The following NRXN2 variants were observed in gnomAD, a reference collection of about 807,000 sequenced individuals.
The protein encoded by NRXN2 is neurexin-2-beta.
Under a neutral mutation model 128.8 loss-of-function variants are expected in NRXN2, and 29 were observed. The ratio of observed to expected loss-of-function variants is 0.23; its 90% CI spans 0.17 to 0.31. The LOEUF is 0.31. Among genes scored for constraint, NRXN2 ranks in the 10% least tolerant of loss-of-function variants. NRXN2 has a pLI of 1.00. For missense variants in NRXN2, 1,881 were observed against 2,452.6 expected, an observed-to-expected ratio of 0.77 and a Z score of 4.92; for synonymous variants, 1,098 against 1,075.2, an observed-to-expected ratio of 1.02 and a Z score of -0.41.
chr11:64,668,701 C>A, intron 7 of NRXN2, 97 bp from the exon 8 acceptor site: 1 of 1,393,780 alleles, frequency 7.2e-7, no homozygotes, highest in Non-Finnish European at 1.0e-6. Context: ...CAGAGGGCAG[C>A]AGGGGAGGGG....
intron 3 of NRXN2, among the ~76,000 whole-genome samples, chr11:64,695,539 C>T (rs2135596826): frequency 6.6e-6 from 1 of 152,156 alleles, no homozygotes; most frequent in Non-Finnish European, 1.5e-5. Flanking sequence ...CGTGGAACCA[C>T]CACCTGCTAA....
chr11:64,623,142 G>A lies in NRXN2; in HGVS notation c.3848-64C>T, dbSNP rs1950306282. On this transcript the variant is annotated intron_variant, in intron 20 of 22. Coordinates refer to ENST00000265459, the MANE Select transcript of NRXN2 (RefSeq NM_015080.4). This position sits in a 1 kb window ranked among gnomAD's most constrained non-coding sequence, Gnocchi z 4.9. Reference sequence around the variant, plus strand: ...CAGTGAGGGGAGACCAGGAAGGGAAGGAAGAAAAGAAGGAAGCCAAGGAGA... The same window carrying A: ...CAGTGAGGGGAGACCAGGAAGGGAAAGAAGAAAAGAAGGAAGCCAAGGAGA... 6.5e-7 allele frequency: 1 copy of A among 1,535,756 alleles called. No homozygotes were observed. The highest frequency in any genetic ancestry group is 8.8e-7 in the Non-Finnish European group (1 of 1,137,066).
intron 5 of NRXN2, 74 bp from the exon 6 acceptor site, chr11:64,686,021 C>T (rs2052998606): frequency 1.0e-5 from 16 of 1,535,358 alleles, no homozygotes; most frequent in East Asian, 4.6e-5. Flanking sequence ...CTCTCCCCTC[C>T]AGCAACGCAG....
chr11:64,641,867 G>A (rs2045721616), intron 17 of NRXN2, among the ~76,000 whole-genome samples: 1 of 151,976 alleles, frequency 6.6e-6, no homozygotes, highest in African/African-American at 2.4e-5. Flanking sequence ...ACATGGAAGG[G>A]AGACACTAGA....
At chr11:64,644,476 G>A (rs2046337288) in intron 17 of NRXN2, among the ~76,000 whole-genome samples, 1 of 152,134 alleles carries the variant, frequency 6.6e-6, no homozygotes, top group African/African-American at 2.4e-5. Context: ...CCCTTCCTGG[G>A]CCACGTATGT....
rs1166885482 is a variant in NRXN2, at chr11:64,660,652, C to T, written c.2185+101G>A. On this transcript the variant is annotated intron_variant, in intron 10 of 22. Coordinates refer to ENST00000265459, the MANE Select transcript of NRXN2 (RefSeq NM_015080.4). This position sits in a 1 kb window ranked among gnomAD's most constrained non-coding sequence, Gnocchi z 5.2. The stretch of plus-strand genomic sequence containing the variant: ...CTAGGGCAGGTCTATGAGGGGTTCC[C>T]CTAGGAGGAGGTGGCACAGGGATGG... The T allele has an allele frequency of 6.3e-7, 1 of 1,594,860 alleles. No homozygotes were observed. Among genetic ancestry groups the T allele is most frequent in the Non-Finnish European group, 8.5e-7 (1 of 1,172,426 alleles).
intron 22 of NRXN2, among the ~76,000 whole-genome samples, chr11:64,617,385 T>C (rs1383839680): frequency 6.6e-6 from 1 of 152,092 alleles, no homozygotes; most frequent in Admixed American, 6.5e-5. Flanking sequence ...CAGGACACAA[T>C]ATGTGGGTTG....
intron 3 of NRXN2, among the ~76,000 whole-genome samples, chr11:64,695,930 C>G (rs1455508690): frequency 6.6e-6 from 1 of 152,074 alleles, no homozygotes; most frequent in Non-Finnish European, 1.5e-5. Context: ...TTCCTCTTCC[C>G]TACTCCCACC....
At position 64,607,384 on chromosome 11, in the gene NRXN2, G is replaced by T. The variant is rs780954468; in HGVS notation, c.4951C>A (p.Leu1651Ile). 7 of 1,613,318 alleles carry T rather than the reference G, an allele frequency of 4.3e-6. No individual in the cohort carries two copies. The highest frequency in any genetic ancestry group is 5.9e-6 in the Non-Finnish European group (7 of 1,179,948). The change falls in exon 23 of 23, where the codon CTC (leucine) becomes ATC (isoleucine). Residue 1651 changes from leucine to isoleucine, a missense_variant. This residue lies in a region of NRXN2 where 11 missense variants were observed against 31.3 expected (regional missense o/e 0.35). Coordinates refer to ENST00000265459, the MANE Select transcript of NRXN2 (RefSeq NM_015080.4). ...TTATACATGGCGTAGAGGAGGATGA[G>T]GATGCAGAGCGCCGCCGCCGCCACA... Reference protein sequence around the residue: ...GIVAAAALCILILLYAMYKYR... With the variant: ...GIVAAAALCIIILLYAMYKYR...
rs200425317 is a variant in NRXN2, at chr11:64,608,101, G to A, written c.4253-19C>T. 1 of 1,574,612 alleles carries A rather than the reference G, an allele frequency of 6.4e-7. No individual in the cohort carries two copies. The highest frequency in any genetic ancestry group is 8.6e-7 in the Non-Finnish European group (1 of 1,165,192). Reference sequence around the variant, plus strand: ...TCTCCTCCTAGAACAAGAGAGAGAAGAGAAAAGAGAGGGCGTCAGCGAGGG... The same window carrying A: ...TCTCCTCCTAGAACAAGAGAGAGAAAAGAAAAGAGAGGGCGTCAGCGAGGG... On this transcript the variant is annotated intron_variant, in intron 22 of 22. Transcript: ENST00000265459.
intron 17 of NRXN2, among the ~76,000 whole-genome samples, chr11:64,639,758 A>T (rs1474230174): frequency 3.9e-5 from 6 of 152,124 alleles, no homozygotes; most frequent in African/African-American, 1.4e-4. Context: ...GTAGAAACAC[A>T]GTGAGACCCC....
At chr11:64,692,211 G>C (rs943644271) in intron 4 of NRXN2, among the ~76,000 whole-genome samples, 6 of 152,212 alleles carry the variant, frequency 3.9e-5, no homozygotes, top group Middle Eastern at 3.2e-3. Context: ...GTCGTCATCT[G>C]TCAAACAGGG....
rs762547864 is a variant in NRXN2, at chr11:64,630,601, A to T, written c.3586-28T>A. ...GGGGACATGGAGGTGGAGGTCAGCG[A>T]CCAGAGGGAGCAACCATTCATCCCT... On this transcript the variant is annotated intron_variant, in intron 18 of 22. Coordinates refer to ENST00000265459, the MANE Select transcript of NRXN2 (RefSeq NM_015080.4). This position sits in a 1 kb window ranked among gnomAD's most constrained non-coding sequence, Gnocchi z 4.6. The T allele has an allele frequency of 8.9e-5, 144 of 1,613,030 alleles. No individual in the cohort carries two copies. The highest frequency in any genetic ancestry group is 1.1e-4 in the Non-Finnish European group (132 of 1,179,808).
At chr11:64,609,438 TGA>T (rs960087971) in intron 22 of NRXN2, among the ~76,000 whole-genome samples, 1 of 152,088 alleles carries the variant, frequency 6.6e-6, no homozygotes, top group Non-Finnish European at 1.5e-5. Context: ...CCCATGGGAA[TGA>T]GAGGGGAGGG....
At chr11:64,614,506 G>A (rs1017314151) in intron 22 of NRXN2, among the ~76,000 whole-genome samples, 17 of 152,348 alleles carry the variant, frequency 1.1e-4, no homozygotes, top group Non-Finnish European at 2.9e-5. Context: ...AAGGAGGACT[G>A]GGAGGAACTT....
intron 6 of NRXN2, among the ~76,000 whole-genome samples, chr11:64,677,676 C>G (rs1364380354): frequency 6.6e-6 from 1 of 152,156 alleles, no homozygotes; most frequent in Non-Finnish European, 1.5e-5. Flanking sequence ...TAAGTCCTAT[C>G]AGCTGAAATG....
intron 9 of NRXN2, 156 bp from the exon 10 acceptor site, chr11:64,661,295 G>A (rs2048997132): frequency 5.0e-5 from 75 of 1,509,538 alleles, no homozygotes; most frequent in South Asian, 4.5e-4. Context: ...CTGGAAGCTC[G>A]GCCTCACTCA....
chr11:64,639,643 G>C (rs2045355628), intron 17 of NRXN2, among the ~76,000 whole-genome samples: 1 of 152,104 alleles, frequency 6.6e-6, no homozygotes, highest in East Asian at 1.9e-4. Flanking sequence ...GTACAGGAGT[G>C]GCAATGGGTG....
intron 3 of NRXN2, among the ~76,000 whole-genome samples, chr11:64,697,070 AG>A (rs1180868393): frequency 6.6e-6 from 1 of 152,110 alleles, no homozygotes; most frequent in African/African-American, 2.4e-5. Flanking sequence ...CCAACAAAAC[AG>A]GAGATAAAGA....
Sources: gnomAD v4.1 joint callset for allele counts (sites outside exome capture counted in the v4.1 genomes callset) on GRCh38, gnomAD v4.1.1 for gene constraint, gnomAD v4.1.1 regional missense constraint, Gnocchi (gnomAD v3.1) non-coding constraint, MANE v1.5 for transcripts, NCBI Gene and HGNC (gene_info 2026-07-23, HGNC 2026-07-21) for gene names.